MAPKAP1: variants seen among roughly 807,000 people sequenced by gnomAD.
The protein encoded by MAPKAP1 is MAPK associated protein 1.
A neutral mutation model predicts 65.7 loss-of-function variants in MAPKAP1; 20 were observed. That is an observed-to-expected ratio of 0.30 (90% CI 0.21 to 0.44). The LOEUF is 0.44. MAPKAP1 is among the 20% of genes least tolerant of loss of function. The pLI is 1.00. For synonymous variants in MAPKAP1, 222 were observed against 244.3 expected (o/e 0.91, Z 0.85); for missense variants, 423 against 648.0 (o/e 0.65, Z 3.77).
intron 5 of MAPKAP1, among the ~76,000 whole-genome samples, chr9:125,572,458 T>C (rs1450080710): frequency 2.0e-5 from 3 of 152,228 alleles, no homozygotes; most frequent in African/African-American, 4.8e-5. Flanking sequence ...AGTCTTACCA[T>C]GATTTGTCTT....
chr9:125,677,577 T>C (rs978560766), intron 1 of MAPKAP1, among the ~76,000 whole-genome samples: 4 of 152,050 alleles, frequency 2.6e-5, no homozygotes, highest in Middle Eastern at 3.2e-3. Flanking sequence ...GTACCTATAG[T>C]GTCAGCTACT....
intron 7 of MAPKAP1, among the ~76,000 whole-genome samples, chr9:125,532,235 G>A (rs1008364970): frequency 6.6e-6 from 1 of 151,924 alleles, no homozygotes; most frequent in Non-Finnish European, 1.5e-5. Context: ...ATATCTCCTT[G>A]GTTTTCTACC....
At chr9:125,551,170 T>C (rs1470612300) in intron 6 of MAPKAP1, among the ~76,000 whole-genome samples, 1 of 152,182 alleles carries the variant, frequency 6.6e-6, no homozygotes, top group African/African-American at 2.4e-5. Flanking sequence ...TGTGAAAATA[T>C]TCTCCCTGCC....
chr9:125,499,620 A>G (rs1226511829), intron 8 of MAPKAP1, among the ~76,000 whole-genome samples: 1 of 152,234 alleles, frequency 6.6e-6, no homozygotes, highest in Non-Finnish European at 1.5e-5. Context: ...GTTCGGAAGT[A>G]GAGTGGGAAC....
intron 6 of MAPKAP1, among the ~76,000 whole-genome samples, chr9:125,545,184 G>C (rs958180249): frequency 1.3e-5 from 2 of 152,114 alleles, no homozygotes. Context: ...CCGCATCCCA[G>C]AACAATCTTT....
intron 4 of MAPKAP1, among the ~76,000 whole-genome samples, chr9:125,645,149 C>G (rs891207541): frequency 1.3e-5 from 2 of 152,114 alleles, no homozygotes; most frequent in African/African-American, 2.4e-5. Flanking sequence ...CTGAAAGGGA[C>G]ACTAGAGCCA....
chr9:125,602,346 T>G (rs946742023), intron 4 of MAPKAP1, among the ~76,000 whole-genome samples: 10 of 152,314 alleles, frequency 6.6e-5, no homozygotes, highest in Admixed American at 3.9e-4. Flanking sequence ...AAAGAATCAC[T>G]TGTAACTATC....
chr9:125,547,655 C>T lies in MAPKAP1; in HGVS notation c.849-4487G>A, dbSNP rs565072665. ...TGCCTCCTAAGCAGAGACTGCTTATCGGGGGGTGGGAGTCTCAAAACTCAC... is the reference window on the plus strand; with the variant it reads ...TGCCTCCTAAGCAGAGACTGCTTATTGGGGGGTGGGAGTCTCAAAACTCAC... On this transcript the variant is annotated intron_variant, in intron 6 of 11. Transcript: ENST00000265960. Among the ~76,000 whole-genome samples the T allele has an allele frequency of 6.6e-5, 10 of 152,210 alleles. 1 individual carries two copies. The East Asian group carries it at 1.4e-3, about 21-fold the overall frequency.
At chr9:125,527,147 C>T (rs1182685982) in intron 7 of MAPKAP1, among the ~76,000 whole-genome samples, 1 of 151,386 alleles carries the variant, frequency 6.6e-6, no homozygotes, top group Non-Finnish European at 1.5e-5. Context: ...TCACTGCAAG[C>T]TCTGCCCGCC....
intron 6 of MAPKAP1, among the ~76,000 whole-genome samples, chr9:125,551,857 T>C (rs1039930640): frequency 6.6e-5 from 10 of 152,302 alleles, no homozygotes; most frequent in Admixed American, 2.0e-4. Flanking sequence ...CAGGTCCCTA[T>C]CCTTGAGAGG....
At chr9:125,700,892 T>G (rs962518358) in intron 1 of MAPKAP1, among the ~76,000 whole-genome samples, 1 of 152,212 alleles carries the variant, frequency 6.6e-6, no homozygotes, top group African/African-American at 2.4e-5. Context: ...GTGCTGGGTG[T>G]CTCTACGCCC....
chr9:125,525,543 C>T (rs1406095432), intron 7 of MAPKAP1, among the ~76,000 whole-genome samples: 2 of 152,070 alleles, frequency 1.3e-5, no homozygotes, highest in South Asian at 2.1e-4. Context: ...TGCGGTGGCG[C>T]ATGCCTGTAA....
At chr9:125,633,972 T>C (rs1833356744) in intron 4 of MAPKAP1, among the ~76,000 whole-genome samples, 1 of 152,210 alleles carries the variant, frequency 6.6e-6, no homozygotes, top group Non-Finnish European at 1.5e-5. Context: ...TGGAATCCGA[T>C]GTGTTAATTT....
At chr9:125,457,842 C>T (rs563194665) in intron 10 of MAPKAP1, among the ~76,000 whole-genome samples, 5 of 152,228 alleles carry the variant, frequency 3.3e-5, no homozygotes, top group African/African-American at 4.8e-5. Context: ...CTTGTAAGGT[C>T]CCACTGCAGG....
At chr9:125,696,571 T>C (rs10115455) in intron 1 of MAPKAP1, among the ~76,000 whole-genome samples, 45,116 of 151,442 alleles carry the variant, frequency 0.3, 7,793 homozygotes, top group Middle Eastern at 0.39. Context: ...TTTGCAAACA[T>C]AGGCAAAACT....
chr9:125,689,165 C>G (rs998709752), intron 1 of MAPKAP1, among the ~76,000 whole-genome samples: 1 of 151,422 alleles, frequency 6.6e-6, no homozygotes, highest in East Asian at 2.0e-4. Context: ...CAGCCGGGCG[C>G]GGTGGCTCAC....
At chr9:125,528,605 T>C (rs920711059) in intron 7 of MAPKAP1, among the ~76,000 whole-genome samples, 34 of 151,978 alleles carry the variant, frequency 2.2e-4, no homozygotes, top group African/African-American at 8.2e-4. Flanking sequence ...TCCCAGCACT[T>C]TGGGAGGCCG....
intron 11 of MAPKAP1, 95 bp downstream of exon 11, chr9:125,444,406 G>A: frequency 1.1e-6 from 1 of 948,878 alleles, no homozygotes; most frequent in Non-Finnish European, 1.6e-6. Context: ...CTTCTATAGA[G>A]CTGCGGAGTG....
chr9:125,569,389 C>T (rs1403907034), intron 5 of MAPKAP1, among the ~76,000 whole-genome samples: 1 of 152,172 alleles, frequency 6.6e-6, no homozygotes, highest in Non-Finnish European at 1.5e-5. Flanking sequence ...TTCACAGTGG[C>T]GGTCCGGGTT....
Sources: allele counts gnomAD v4.1 joint callset (sites outside exome capture counted in the v4.1 genomes callset), GRCh38; gene constraint gnomAD v4.1.1; transcripts MANE v1.5; gene names NCBI Gene and HGNC (gene_info 2026-07-23, HGNC 2026-07-21).